Variants in DDX24 observed in about 807,000 individuals in gnomAD.
The protein encoded by DDX24 is DEAD-box helicase 24, also known as ATP-dependent RNA helicase DDX24.
DDX24 carries 24 observed loss-of-function variants against 68.9 expected under a neutral mutation model. The ratio of observed to expected loss-of-function variants is 0.35; its 90% CI spans 0.25 to 0.49. DDX24 has a LOEUF of 0.49. Among genes scored for constraint, DDX24 ranks in the 20% least tolerant of loss-of-function variants. DDX24 has a pLI of 0.99. For missense variants in DDX24, 989 were observed against 1,039.0 expected, an observed-to-expected ratio of 0.95 and a Z score of 0.66; for synonymous variants, 395 against 385.2, an observed-to-expected ratio of 1.03 and a Z score of -0.30.
At chr14:94,062,032 C>G (rs1347531206) in intron 3 of DDX24, 65 bp downstream of exon 3, 1 of 1,491,242 alleles carries the variant, frequency 6.7e-7, no homozygotes, top group Non-Finnish European at 9.0e-7. Flanking sequence ...ACAGCTCATT[C>G]ATCTTTACCA....
chr14:94,052,471 G>C (rs1885406168), intron 8 of DDX24, among the ~76,000 whole-genome samples: 1 of 152,340 alleles, frequency 6.6e-6, no homozygotes. Flanking sequence ...TAATGGCATG[G>C]AAGTGCTTTG....
intron 2 of DDX24, among the ~76,000 whole-genome samples, chr14:94,063,730 G>A (rs982509250): frequency 6.6e-6 from 1 of 152,134 alleles, no homozygotes; most frequent in African/African-American, 2.4e-5. Flanking sequence ...GGGCAACATA[G>A]TGAGACTCCC....
intron 2 of DDX24, among the ~76,000 whole-genome samples, chr14:94,066,807 A>G (rs1268828583): frequency 6.6e-6 from 1 of 152,204 alleles, no homozygotes; most frequent in South Asian, 2.1e-4. Context: ...TCAAGGGAAC[A>G]CTCCATGAGA....
intron 2 of DDX24, among the ~76,000 whole-genome samples, chr14:94,066,882 G>A (rs1377847224): frequency 6.6e-6 from 1 of 152,134 alleles, no homozygotes; most frequent in Non-Finnish European, 1.5e-5. Context: ...ACCCAAATGA[G>A]AAGGAACCAG....
chr14:94,060,808 C>T, intron 4 of DDX24, 105 bp downstream of exon 4: 1 of 1,512,166 alleles, frequency 6.6e-7, no homozygotes, highest in Non-Finnish European at 9.0e-7. Context: ...GATGATACCA[C>T]ACCATAGCAT....
chr14:94,060,279 A>G lies in DDX24; in HGVS notation c.1732T>C (p.Tyr578His), dbSNP rs761025873. The change falls in exon 5 of 9, where the codon TAC becomes CAC. Residue 578 changes from tyrosine (Y) to histidine (H), a missense_variant. Tyr to His is a moderately conservative substitution (Grantham distance 83). Transcript: ENST00000621632. Reference protein sequence around the residue: ...IHCETDEKDFYLYYFLMQYPG... With the variant: ...IHCETDEKDFHLYYFLMQYPG... ...TACTGCATCAGGAAGTAGTACAAGT[A>G]GAAGTCTTTCTCATCAGTCTCACAA... 3 of 1,614,130 alleles carry G rather than the reference A, an allele frequency of 1.9e-6. No homozygotes were observed. In the African/African-American group the frequency reaches 4.0e-5, roughly 22 times the overall value.
rs545120503 is a variant in DDX24, at chr14:94,062,312, G to A, written c.1028C>T (p.Ser343Phe). The A allele has an allele frequency of 3.7e-6, 6 of 1,614,210 alleles. No homozygotes were observed. The highest frequency in any genetic ancestry group is 5.1e-6 in the Non-Finnish European group (6 of 1,180,048). The change falls in exon 3 of 9, where the codon TCC (serine) becomes TTC (phenylalanine). Residue 343 changes from serine to phenylalanine, a missense_variant. Physicochemically the swap from Ser to Phe is radical, Grantham distance 155. Around this residue, in one of 3 missense-constraint regions of DDX24, gnomAD observed 691 missense variants for 760.0 expected, o/e 0.91. Transcript: ENST00000621632. ...GDDDAGEGPS[S>F]LIREKPVPKQ... ...GGGAACAGGTTTCTCCCTGATCAGGGAAGAAGGCCCTTCACCAGCATCATC... is the reference window on the plus strand; with the variant it reads ...GGGAACAGGTTTCTCCCTGATCAGGAAAGAAGGCCCTTCACCAGCATCATC...
At position 94,066,505 on chromosome 14, in the gene DDX24, G is replaced by T. The variant is rs993387690; in HGVS notation, c.719-3884C>A. Among the ~76,000 whole-genome samples the T allele has an allele frequency of 7.2e-5, 11 of 152,318 alleles. No individual in the cohort carries two copies. In the East Asian group the frequency reaches 2.1e-3, roughly 29 times the overall value. ...CTATAGCTGATGCTTTCTGGAAAGT[G>T]CCACCTCCTGGCAGGAGGCCAACTA... On this transcript the variant is annotated intron_variant, in intron 2 of 8. Transcript: ENST00000621632.
At position 94,057,902 on chromosome 14, in the gene DDX24, G is replaced by A; in HGVS notation, c.1914-5C>T. On this transcript the variant is annotated splice_region_variant and splice_polypyrimidine_tract_variant and intron_variant, in intron 5 of 8. Transcript: ENST00000621632. ...TCTGTTGCCAAGAGAACACAGCTGG[G>A]GTAGAGAGAGAAAGCTTATTAATAA... The A allele has an allele frequency of 6.2e-7, 1 of 1,611,952 alleles. No homozygotes were observed.
chr14:94,067,135 G>A (rs1299420445), intron 2 of DDX24, among the ~76,000 whole-genome samples: 1 of 152,000 alleles, frequency 6.6e-6, no homozygotes. Context: ...AATACATAAA[G>A]AGAAAACAAT....
intron 2 of DDX24, among the ~76,000 whole-genome samples, chr14:94,066,923 G>T (rs954513093): frequency 6.6e-6 from 1 of 152,160 alleles, no homozygotes; most frequent in African/African-American, 2.4e-5. Flanking sequence ...GACAAAACAA[G>T]GCTCTTCAAC....
intron 3 of DDX24, among the ~76,000 whole-genome samples, chr14:94,061,740 A>C (rs1885601104): frequency 6.6e-6 from 1 of 152,118 alleles, no homozygotes; most frequent in Non-Finnish European, 1.5e-5. Flanking sequence ...ACAACTATTA[A>C]CTCTACTCAA....
intron 8 of DDX24, among the ~76,000 whole-genome samples, chr14:94,052,640 A>G (rs3790046): frequency 0.32 from 48,318 of 152,132 alleles, 7,812 homozygotes; most frequent in Admixed American, 0.38. Flanking sequence ...CTTCCATTTT[A>G]TGGAGGAGAA....
At chr14:94,061,581 T>A (rs1237803427) in intron 3 of DDX24, among the ~76,000 whole-genome samples, 4 of 152,200 alleles carry the variant, frequency 2.6e-5, no homozygotes, top group Non-Finnish European at 5.9e-5. Context: ...GCTTTCATTA[T>A]AAAATTAAGA....
chr14:94,060,587 C>A lies in DDX24; in HGVS notation c.1424G>T (p.Arg475Leu). The A allele has an allele frequency of 6.2e-7, 1 of 1,613,804 alleles. No homozygotes were observed. Among genetic ancestry groups the A allele is most frequent in the Non-Finnish European group, 8.5e-7 (1 of 1,179,780 alleles). ...AGCAAAATGGCCTTTCTCAACCATC[C>A]GGTCAGCCTCATCCACTACCAGGCA... ...LRCLVVDEAD[R>L]MVEKGHFAEL... Residue 475 changes from arginine (R) to leucine (L), a missense_variant, in exon 5 of 9, where the codon CGG (arginine) becomes CTG (leucine). By Grantham distance (102) the Arg-to-Leu change is moderately radical. Transcript: ENST00000621632.
At chr14:94,052,951 A>G (rs1236037890) in intron 8 of DDX24, 47 bp downstream of exon 8, 1 of 1,578,006 alleles carries the variant, frequency 6.3e-7, no homozygotes, top group South Asian at 1.1e-5. Flanking sequence ...GCAAAAGTTA[A>G]AGAGAGATTT....
chr14:94,067,870 A>ATTAAT (rs1491127818), intron 2 of DDX24, among the ~76,000 whole-genome samples: 2 of 152,236 alleles, frequency 1.3e-5, no homozygotes, highest in Non-Finnish European at 2.9e-5. Flanking sequence ...GAGACGTATT[A>ATTAAT]AAACAGAACA....
rs1286292312 is a variant in DDX24, at chr14:94,079,117, A to G, written c.626T>C (p.Phe209Ser). ...VPRPVLRALSFLGFSAPTPIQ... is the reference protein window; with the variant it reads ...VPRPVLRALSSLGFSAPTPIQ... ...TGGTGTGGGTGCAGAGAAGCCTAGA[A>G]AGCTGAGTGCTCGGAGAACCGGCCT... is the stretch of plus-strand genomic sequence containing the variant. Residue 209 changes from phenylalanine to serine, a missense_variant, in exon 2 of 9, where the codon TTT (phenylalanine) becomes TCT (serine). Phe to Ser is a radical substitution (Grantham distance 155, BLOSUM62 -2). This residue lies in a region of DDX24 where 295 missense variants were observed against 263.0 expected (regional missense o/e 1.12). Coordinates refer to ENST00000621632, the MANE Select transcript of DDX24 (RefSeq NM_020414.4). 2.5e-6 allele frequency: 4 copies of G among 1,614,008 alleles called. No individual in the cohort carries two copies. Among genetic ancestry groups the G allele is most frequent in the African/African-American group, 1.3e-5 (1 of 74,900 alleles).
chr14:94,055,264 C>T, intron 6 of DDX24, 80 bp from the exon 7 acceptor site: 1 of 1,454,986 alleles, frequency 6.9e-7, no homozygotes, highest in Non-Finnish European at 9.4e-7. Flanking sequence ...ATCCCCAAAC[C>T]AGACCCTCCT....
Sources: allele counts gnomAD v4.1 joint callset (sites outside exome capture counted in the v4.1 genomes callset), GRCh38; gene constraint gnomAD v4.1.1; regional missense constraint gnomAD v4.1.1; transcripts MANE v1.5; gene names NCBI Gene and HGNC (gene_info 2026-07-23, HGNC 2026-07-21).